PDLIM5: variants seen among roughly 807,000 people sequenced by gnomAD.
PDLIM5 encodes PDZ and LIM domain protein 5.
In PDLIM5, 34 loss-of-function variants were observed where a neutral mutation model predicts 64.2. The observed-to-expected ratio is 0.53, with a 90% confidence interval of 0.40 to 0.71. The LOEUF is 0.71. Among genes scored for constraint, PDLIM5 ranks in the 30% least tolerant of loss-of-function variants. PDLIM5 has a pLI of 0.00. For synonymous variants in PDLIM5, 253 were observed against 269.1 expected (o/e 0.94, Z 0.59); for missense variants, 683 against 733.6 (o/e 0.93, Z 0.80).
chr4:94,522,692 C>T (rs921687424), intron 2 of PDLIM5, among the ~76,000 whole-genome samples: 2 of 152,182 alleles, frequency 1.3e-5, no homozygotes, highest in Admixed American at 6.5e-5. Flanking sequence ...AATATAGTCA[C>T]GGTGTTGTGC....
chr4:94,455,508 G>A, intron 2 of PDLIM5, 124 bp downstream of exon 2: 1 of 737,408 alleles, frequency 1.4e-6, no homozygotes. Context: ...TTTGATCTTG[G>A]CAAATTTGAT....
chr4:94,513,236 A>G (rs1443654955), intron 2 of PDLIM5, among the ~76,000 whole-genome samples: 1 of 152,104 alleles, frequency 6.6e-6, no homozygotes, highest in African/African-American at 2.4e-5. Flanking sequence ...TTCCACGTAA[A>G]TTTTAGGATT....
intron 4 of PDLIM5, 173 bp downstream of exon 4, chr4:94,573,566 A>G: frequency 2.9e-6 from 2 of 695,332 alleles, no homozygotes; most frequent in South Asian, 1.6e-5. Flanking sequence ...ATCAGCACAT[A>G]CCATTTGTAA....
chr4:94,633,183 C>T (rs968673227), intron 8 of PDLIM5, among the ~76,000 whole-genome samples: 2 of 151,794 alleles, frequency 1.3e-5, no homozygotes, highest in Non-Finnish European at 2.9e-5. Flanking sequence ...CAGAGATGGC[C>T]GGGGAGCGAG....
intron 5 of PDLIM5, among the ~76,000 whole-genome samples, chr4:94,579,047 G>A (rs1203256157): frequency 1.3e-5 from 2 of 151,974 alleles, no homozygotes; most frequent in African/African-American, 2.4e-5. Context: ...GAAATAATTA[G>A]CTGTTCATCC....
intron 9 of PDLIM5, among the ~76,000 whole-genome samples, chr4:94,654,071 A>G (rs1742031661): frequency 6.6e-6 from 1 of 152,156 alleles, no homozygotes. Context: ...TCAAAGTCTC[A>G]TCTCTGCCTA....
At chr4:94,500,758 C>A (rs1727838836) in intron 2 of PDLIM5, among the ~76,000 whole-genome samples, 1 of 147,184 alleles carries the variant, frequency 6.8e-6, no homozygotes, top group Non-Finnish European at 1.5e-5. Context: ...TTATTTCTTT[C>A]AAAGTTTATG....
intron 2 of PDLIM5, among the ~76,000 whole-genome samples, chr4:94,518,379 G>A (rs996925871): frequency 2.0e-5 from 3 of 152,058 alleles, no homozygotes; most frequent in Admixed American, 2.0e-4. Context: ...TCCATTTAGT[G>A]CACATTTGAG....
chr4:94,624,626 A>T (rs778147807), intron 8 of PDLIM5, among the ~76,000 whole-genome samples: 3 of 152,224 alleles, frequency 2.0e-5, no homozygotes, highest in Non-Finnish European at 4.4e-5. Context: ...CAGGAACAAT[A>T]TTTTAATGTT....
intron 2 of PDLIM5, among the ~76,000 whole-genome samples, chr4:94,486,967 C>T (rs956429019): frequency 5.3e-5 from 8 of 152,072 alleles, no homozygotes; most frequent in Non-Finnish European, 8.8e-5. Context: ...CATGCCACTG[C>T]ACTCCAGCCT....
intron 2 of PDLIM5, among the ~76,000 whole-genome samples, chr4:94,478,188 G>A (rs1004279416): frequency 3.3e-5 from 5 of 151,024 alleles, no homozygotes; most frequent in East Asian, 1.9e-4. Context: ...CCCGGGAGGC[G>A]GAGGTTGCAG....
intron 3 of PDLIM5, among the ~76,000 whole-genome samples, chr4:94,563,958 C>CTTTTTTTTTTTTTTTTTTTT (rs796820308): frequency 3.4e-5 from 4 of 119,358 alleles, no homozygotes; most frequent in Non-Finnish European, 3.5e-5. Flanking sequence ...TTCTTTCTTT[C>CTTTTTTTTTTTTTTTTTTTT]TTTTTTTTTT....
chr4:94,539,306 T>C (rs542849647), intron 3 of PDLIM5, among the ~76,000 whole-genome samples: 1 of 152,144 alleles, frequency 6.6e-6, no homozygotes, highest in African/African-American at 2.4e-5. Flanking sequence ...CCGAATTCAT[T>C]TGCAGTGTAG....
intron 12 of PDLIM5, among the ~76,000 whole-genome samples, chr4:94,663,009 G>A (rs1742862771): frequency 6.6e-6 from 1 of 151,894 alleles, no homozygotes; most frequent in South Asian, 2.1e-4. Flanking sequence ...TTGAGACTAT[G>A]GTCCAATAAA....
chr4:94,609,623 A>G (rs1175635299), intron 7 of PDLIM5, among the ~76,000 whole-genome samples: 1 of 152,098 alleles, frequency 6.6e-6, no homozygotes, highest in African/African-American at 2.4e-5. Flanking sequence ...ATTTTAAACA[A>G]TTATCTCTTT....
rs36209951 is a variant in PDLIM5 at position 94,530,510 on chromosome 4, AATATATATAT to A, written c.248+6663_248+6672del. 5.4e-3 allele frequency among the ~76,000 whole-genome samples: 754 copies of A among 140,580 alleles called. 14 individuals are homozygous for A. The highest frequency in any genetic ancestry group is 0.018 in the African/African-American group (630 of 35,192). The allele number at this position is 140,580 out of a possible 152,430, so 92.2% of individuals were successfully genotyped here. Reference sequence around the variant, plus strand: ...TAAATTAATCCTCTTGGAATCACAGAATATATATATATATATATATATATATATATATATA... The same window carrying A: ...TAAATTAATCCTCTTGGAATCACAGAATATATATATATATATATATATATA... On this transcript the variant is annotated intron_variant, in intron 3 of 12. Transcript: ENST00000317968.
At chr4:94,556,702 T>C (rs1218857881) in intron 3 of PDLIM5, among the ~76,000 whole-genome samples, 2 of 152,228 alleles carry the variant, frequency 1.3e-5, no homozygotes, top group Admixed American at 1.3e-4. Context: ...GTAAATGTCT[T>C]ATTTTGGAAC....
At chr4:94,532,554 C>T (rs1053207348) in intron 3 of PDLIM5, among the ~76,000 whole-genome samples, 49 of 152,292 alleles carry the variant, frequency 3.2e-4, no homozygotes, top group Middle Eastern at 6.8e-3. Flanking sequence ...ACACTTGCGC[C>T]TGGGTCGTGA....
At chr4:94,660,392 A>T (rs12331240) in intron 11 of PDLIM5, among the ~76,000 whole-genome samples, 86,294 of 151,810 alleles carry the variant, frequency 0.57, 24,719 homozygotes, top group African/African-American at 0.59. Flanking sequence ...CGATTCCTCT[A>T]TATTCACGTT....
Sources: allele counts gnomAD v4.1 joint callset (sites outside exome capture counted in the v4.1 genomes callset), GRCh38; gene constraint gnomAD v4.1.1; transcripts MANE v1.5; gene names NCBI Gene and HGNC (gene_info 2026-07-23, HGNC 2026-07-21).